Variants in PCDHA5 observed in about 807,000 individuals in gnomAD.
The protein encoded by PCDHA5 is protocadherin alpha-5.
A neutral mutation model predicts 61.6 loss-of-function variants in PCDHA5; 43 were observed. The ratio of observed to expected loss-of-function variants is 0.70; its 90% CI spans 0.55 to 0.90. PCDHA5 has a LOEUF of 0.90. Ranked by LOEUF, PCDHA5 falls within the 40% of genes least tolerant of loss-of-function variation. The pLI is 0.00. For synonymous variants in PCDHA5, 627 were observed against 543.9 expected (o/e 1.15, Z -2.13); for missense variants, 1,298 against 1,222.7 (o/e 1.06, Z -0.92).
rs2056458194 is a variant in PCDHA5, at chr5:140,876,609, T to C, written c.2352+52482T>C. ...TGATTAGCGTGTCGGATCGTGACTC[T>C]GGAGCCAATGGACAGGTCATCTGCT... On this transcript the variant is annotated intron_variant, in intron 1 of 3. Coordinates refer to ENST00000529859, the MANE Select transcript of PCDHA5 (RefSeq NM_018908.3). The C allele has an allele frequency of 3.1e-6, 5 of 1,614,226 alleles. No individual in the cohort carries two copies. In the East Asian group the frequency reaches 1.1e-4, roughly 36 times the overall value.
chr5:140,917,574 A>AT (rs2078267630), intron 1 of PCDHA5, among the ~76,000 whole-genome samples: 2 of 152,154 alleles, frequency 1.3e-5, no homozygotes, highest in Non-Finnish European at 2.9e-5. Context: ...TCTCAGGCTG[A>AT]TTTTTGTTCA....
At chr5:140,995,155 A>T (rs2097666869) in intron 3 of PCDHA5, among the ~76,000 whole-genome samples, 2 of 152,194 alleles carry the variant, frequency 1.3e-5, no homozygotes, top group Non-Finnish European at 2.9e-5. Flanking sequence ...CTTTATATAC[A>T]TTATGTTCTT....
intron 1 of PCDHA5, among the ~76,000 whole-genome samples, chr5:140,975,653 A>T (rs2096676885): frequency 6.6e-6 from 1 of 152,230 alleles, no homozygotes; most frequent in South Asian, 2.1e-4. Context: ...TATTTCATTG[A>T]GTAGTTGTGT....
intron 1 of PCDHA5, chr5:140,883,816 G>A (rs1217152310): frequency 1.9e-6 from 3 of 1,612,522 alleles, no homozygotes; most frequent in Non-Finnish European, 2.5e-6. Context: ...AGAGCGGCAA[G>A]GTGTACGCGC....
intron 1 of PCDHA5, chr5:140,870,821 G>A (rs782742871): frequency 6.2e-7 from 1 of 1,613,736 alleles, no homozygotes; most frequent in South Asian, 1.1e-5. Flanking sequence ...GGCAGCGCGG[G>A]AGGCGCAGTT....
chr5:140,957,169 A>T (rs868935808), intron 1 of PCDHA5, among the ~76,000 whole-genome samples: 16 of 152,164 alleles, frequency 1.1e-4, no homozygotes, highest in African/African-American at 3.9e-4. Flanking sequence ...CTAAGTATAT[A>T]AATTGGTTTA....
chr5:140,848,408 A>G, intron 1 of PCDHA5: 1 of 1,352,390 alleles, frequency 7.4e-7, no homozygotes, highest in East Asian at 2.3e-5. Context: ...ACGATGGCGA[A>G]CACAGCAGAA....
In PCDHA5 at chr5:140,852,860, T is replaced by C. The variant is rs2150523334; in HGVS notation, c.2352+28733T>C. On this transcript the variant is annotated intron_variant, in intron 1 of 3. Transcript: ENST00000529859. ...GAGCTAGTACTTACTAAGCATTTAC[T>C]ATGTCATCAATAATCATAAAACGTA... is the stretch of plus-strand genomic sequence containing the variant. 26 of 961,500 alleles carry C rather than the reference T, an allele frequency of 2.7e-5. 2 individuals are homozygous for C. Among genetic ancestry groups the C allele is most frequent in the Admixed American group, 1.9e-4 (3 of 15,764 alleles). 59.6% of individuals were successfully genotyped at this position (961,500 alleles called of 1,614,324 possible).
At chr5:140,869,868 T>A (rs782375084) in intron 1 of PCDHA5, 2 of 1,610,492 alleles carry the variant, frequency 1.2e-6, no homozygotes, top group African/African-American at 2.7e-5. Context: ...TGGAAAATGC[T>A]GCTAAAGAAA....
chr5:140,952,416 G>T (rs114343205), intron 1 of PCDHA5, among the ~76,000 whole-genome samples: 1 of 151,730 alleles, frequency 6.6e-6, no homozygotes, highest in Non-Finnish European at 1.5e-5. Context: ...TTAATGTTCC[G>T]CAGATTCCTA....
rs2150126152 is a variant in PCDHA5, at chr5:140,823,473, G to A, written c.1698G>A (p.Val566=). ...ACGACAACGCGCCGGCGCTGCTGGT[G>A]CCTCGAGTGGGTGGCACCGGCGGCG... ...DENDNAPALL[V]PRVGGTGGAV... Residue 566 remains valine, a synonymous_variant, in exon 1 of 4, where the codon GTG becomes GTA. Coordinates refer to ENST00000529859, the MANE Select transcript of PCDHA5 (RefSeq NM_018908.3). 4 of 1,613,492 alleles carry A rather than the reference G, an allele frequency of 2.5e-6. No homozygotes were observed. In the South Asian group the frequency reaches 3.3e-5, roughly 13 times the overall value.
chr5:140,851,937 T>A, intron 1 of PCDHA5: 1 of 965,138 alleles, frequency 1.0e-6, no homozygotes, highest in Non-Finnish European at 1.3e-6. Context: ...TGAATTGTAG[T>A]ATGTGACTTT....
chr5:140,893,954 T>C (rs115606551), intron 1 of PCDHA5, among the ~76,000 whole-genome samples: 1,862 of 152,344 alleles, frequency 0.012, 45 homozygotes, highest in African/African-American at 0.042. Flanking sequence ...CATGACTTTA[T>C]TAGTCATTAG....
At chr5:140,998,472 A>G (rs1212895520) in intron 3 of PCDHA5, among the ~76,000 whole-genome samples, 1 of 151,938 alleles carries the variant, frequency 6.6e-6, no homozygotes, top group Non-Finnish European at 1.5e-5. Context: ...TTTTCCTCCC[A>G]CTGTGCTGTA....
intron 1 of PCDHA5, chr5:140,882,602 A>T: frequency 6.2e-7 from 1 of 1,614,276 alleles, no homozygotes; most frequent in Non-Finnish European, 8.5e-7. Flanking sequence ...GATCGTGGAC[A>T]GGCCTCTGCA....
intron 1 of PCDHA5, chr5:140,883,989 G>A (rs1554180956): frequency 6.2e-7 from 1 of 1,612,952 alleles, no homozygotes; most frequent in Non-Finnish European, 8.5e-7. Flanking sequence ...GGCAGCGCGG[G>A]AGGCACAGTG....
At chr5:140,825,101 T>A (rs2150138221) in intron 1 of PCDHA5, 2 of 151,960 alleles carry the variant, frequency 1.3e-5, no homozygotes, top group African/African-American at 4.8e-5. Context: ...ATTTTTTTCA[T>A]ATACAAATAA....
rs2150163001 is a variant in PCDHA5 at position 140,829,146 on chromosome 5, T to G, written c.2352+5019T>G. The G allele has an allele frequency of 1.9e-6, 3 of 1,613,730 alleles. No individual in the cohort carries two copies. Among genetic ancestry groups the G allele is most frequent in the Non-Finnish European group, 1.7e-6 (2 of 1,179,704 alleles). ...AATGATAACGTCCCTGAGATAGCAC[T>G]GACTTCCTTATCCTTGCCTGTACGT... On this transcript the variant is annotated intron_variant, in intron 1 of 3. Coordinates refer to ENST00000529859, the MANE Select transcript of PCDHA5 (RefSeq NM_018908.3).
chr5:140,965,975 T>TGA (rs1554227957), intron 1 of PCDHA5, among the ~76,000 whole-genome samples: 1 of 152,180 alleles, frequency 6.6e-6, no homozygotes, highest in Non-Finnish European at 1.5e-5. Flanking sequence ...CCCTAGGAGT[T>TGA]GAGCACTTTC....
Sources: gnomAD v4.1 joint callset for allele counts (sites outside exome capture counted in the v4.1 genomes callset) on GRCh38, gnomAD v4.1.1 for gene constraint, MANE v1.5 for transcripts, NCBI Gene and HGNC (gene_info 2026-07-23, HGNC 2026-07-21) for gene names.